RSRC1: variants seen among roughly 807,000 people sequenced by gnomAD.
RSRC1 encodes serine/Arginine-related protein 53.
RSRC1 carries 39 observed loss-of-function variants against 49.1 expected under a neutral mutation model. That is an observed-to-expected ratio of 0.79 (90% CI 0.61 to 1.04). The LOEUF (loss-of-function observed/expected upper bound fraction) is 1.04, where lower values mean the gene tolerates loss of function less well. Ranked by LOEUF, RSRC1 falls within the 50% of genes least tolerant of loss-of-function variation. RSRC1 has a pLI of 0.00. For synonymous variants in RSRC1, 143 were observed against 130.8 expected (o/e 1.09, Z -0.63); for missense variants, 388 against 402.4 (o/e 0.96, Z 0.31).
chr3:158,535,347 T>C (rs1712658981), intron 7 of RSRC1, among the ~76,000 whole-genome samples: 1 of 151,426 alleles, frequency 6.6e-6, no homozygotes, highest in African/African-American at 2.4e-5. Flanking sequence ...GAGCCTAAGA[T>C]TTTTAGAGTA....
chr3:158,480,888 G>A (rs1560060590), intron 7 of RSRC1, among the ~76,000 whole-genome samples: 1 of 151,962 alleles, frequency 6.6e-6, no homozygotes, highest in Non-Finnish European at 1.5e-5. Flanking sequence ...TGCAATCACA[G>A]GTATATTCAC....
chr3:158,246,818 T>G (rs372558826), intron 4 of RSRC1, among the ~76,000 whole-genome samples: 5 of 152,194 alleles, frequency 3.3e-5, no homozygotes, highest in African/African-American at 9.7e-5. Context: ...TTAACATTTT[T>G]TCTTCATTTT....
At chr3:158,321,575 T>A (rs866122) in intron 5 of RSRC1, among the ~76,000 whole-genome samples, 138,533 of 148,078 alleles carry the variant, frequency 0.94, 64,879 homozygotes, top group East Asian at 0.99. Flanking sequence ...TTTTTTTTTT[T>A]AAACACACTA....
At chr3:158,309,231 C>T (rs145615254) in intron 5 of RSRC1, among the ~76,000 whole-genome samples, 34 of 151,838 alleles carry the variant, frequency 2.2e-4, no homozygotes, top group African/African-American at 8.0e-4. Flanking sequence ...ATGCTGTTAG[C>T]GCTCTCTGAA....
At chr3:158,114,480 G>C (rs1252771673) in intron 1 of RSRC1, among the ~76,000 whole-genome samples, 2 of 152,042 alleles carry the variant, frequency 1.3e-5, no homozygotes, top group African/African-American at 2.4e-5. Flanking sequence ...GGCTATATGG[G>C]CTCTTTTTTG....
intron 3 of RSRC1, among the ~76,000 whole-genome samples, chr3:158,196,106 G>A (rs568595464): frequency 6.6e-5 from 10 of 152,150 alleles, no homozygotes; most frequent in East Asian, 1.9e-4. Context: ...CCATTTTCAC[G>A]ATATTGATTC....
chr3:158,192,621 T>G (rs749459663), intron 3 of RSRC1, among the ~76,000 whole-genome samples: 10 of 152,042 alleles, frequency 6.6e-5, no homozygotes, highest in Non-Finnish European at 8.8e-5. Context: ...AAAAATGTGA[T>G]CAGACTCTGC....
chr3:158,284,190 A>G (rs906338630), intron 4 of RSRC1, among the ~76,000 whole-genome samples: 15 of 151,546 alleles, frequency 9.9e-5, no homozygotes, highest in African/African-American at 2.7e-4. Flanking sequence ...ATGATTTCCA[A>G]TTTCATCCAT....
At chr3:158,523,326 T>G (rs1004001748) in intron 7 of RSRC1, among the ~76,000 whole-genome samples, 4 of 152,058 alleles carry the variant, frequency 2.6e-5, no homozygotes, top group African/African-American at 7.2e-5. Context: ...AAAACAACCT[T>G]GAATAATTAA....
At chr3:158,338,199 A>G (rs115415622) in intron 5 of RSRC1, among the ~76,000 whole-genome samples, 2,874 of 140,134 alleles carry the variant, frequency 0.021, 93 homozygotes, top group African/African-American at 0.072. Flanking sequence ...GACAGCTATT[A>G]TATAACTTTG....
chr3:158,501,097 A>G (rs952878419), intron 7 of RSRC1, among the ~76,000 whole-genome samples: 1 of 152,164 alleles, frequency 6.6e-6, no homozygotes, highest in African/African-American at 2.4e-5. Context: ...TTAAATTCCT[A>G]TCTTGATTTC....
intron 5 of RSRC1, among the ~76,000 whole-genome samples, chr3:158,351,877 G>T (rs1459101830): frequency 7.0e-6 from 1 of 142,362 alleles, no homozygotes; most frequent in African/African-American, 2.7e-5. Context: ...TAAATATTAT[G>T]ATATATAACT....
intron 3 of RSRC1, among the ~76,000 whole-genome samples, chr3:158,182,491 G>A (rs73874317): frequency 0.077 from 11,671 of 152,002 alleles, 545 homozygotes; most frequent in South Asian, 0.13. Flanking sequence ...GATATCCTAC[G>A]TCTTAGGAAT....
intron 7 of RSRC1, among the ~76,000 whole-genome samples, chr3:158,512,838 G>T (rs1425043873): frequency 1.1e-4 from 16 of 148,020 alleles, no homozygotes; most frequent in South Asian, 2.2e-4. Context: ...CACATCCCTT[G>T]TAAGTTGGAT....
At chr3:158,134,602 A>T (rs1347288488) in intron 3 of RSRC1, among the ~76,000 whole-genome samples, 1 of 152,152 alleles carries the variant, frequency 6.6e-6, no homozygotes, top group Non-Finnish European at 1.5e-5. Context: ...TTATATACTG[A>T]ATATTCTTTT....
rs573349384 is a variant in RSRC1 at position 158,348,584 on chromosome 3, A to AT, written c.532-6264dup. On this transcript the variant is annotated intron_variant, in intron 5 of 9. Transcript: ENST00000611884. ...TTTGTGTGTTTTTTTAAATTATTTT[A>AT]TTTTTTTTTATTTTAGAGTTTGGGG... Among the ~76,000 whole-genome samples the AT allele has an allele frequency of 1.1e-3, 68 of 60,640 alleles. 1 individual carries two copies. In the Middle Eastern group the frequency reaches 0.023, roughly 20 times the overall value. 39.8% of individuals were successfully genotyped at this position (60,640 alleles called of 152,430 possible). A position where few individuals can be genotyped will look rare whatever the true frequency, so the allele number is the denominator to read the frequency against.
chr3:158,384,924 T>G (rs1209661314), intron 6 of RSRC1, among the ~76,000 whole-genome samples: 1 of 152,076 alleles, frequency 6.6e-6, no homozygotes, highest in Admixed American at 6.6e-5. Flanking sequence ...AAGCTTATTC[T>G]AAGCATAGAA....
At chr3:158,347,222 A>G (rs1730603339) in intron 5 of RSRC1, among the ~76,000 whole-genome samples, 1 of 152,130 alleles carries the variant, frequency 6.6e-6, no homozygotes, top group Non-Finnish European at 1.5e-5. Context: ...ATATCTTTTC[A>G]TCTTTTTATT....
At chr3:158,390,301 G>A (rs1733203583) in intron 6 of RSRC1, among the ~76,000 whole-genome samples, 1 of 152,170 alleles carries the variant, frequency 6.6e-6, no homozygotes, top group Non-Finnish European at 1.5e-5. Context: ...GCCTGGCCCA[G>A]TCTAGGTTTA....
Sources: gnomAD v4.1 joint callset for allele counts (sites outside exome capture counted in the v4.1 genomes callset) on GRCh38, gnomAD v4.1.1 for gene constraint, MANE v1.5 for transcripts, NCBI Gene and HGNC (gene_info 2026-07-23, HGNC 2026-07-21) for gene names.